PARD3: variants seen among roughly 807,000 people sequenced by gnomAD.
PARD3 encodes partitioning defective 3 homolog.
PARD3 carries 75 observed loss-of-function variants against 155.4 expected under a neutral mutation model. The ratio of observed to expected loss-of-function variants is 0.48; its 90% confidence interval spans 0.40 to 0.58. The LOEUF is 0.58. Among genes scored for constraint, PARD3 ranks in the 20% least tolerant of loss-of-function variants. The pLI, the probability that PARD3 is intolerant of heterozygous loss-of-function variation, is 0.00. For synonymous variants in PARD3, 576 were observed against 610.5 expected (o/e 0.94, Z 0.83); for missense variants, 1,642 against 1,721.7 (o/e 0.95, Z 0.82).
chr10:34,678,077 A>T (rs922233306), intron 2 of PARD3, among the ~76,000 whole-genome samples: 3 of 151,548 alleles, frequency 2.0e-5, no homozygotes, highest in African/African-American at 4.8e-5. Flanking sequence ...TATTTATTTA[A>T]TTTATTTATT....
At chr10:34,115,023 C>A (rs1946588266) in intron 24 of PARD3, among the ~76,000 whole-genome samples, 1 of 152,210 alleles carries the variant, frequency 6.6e-6, no homozygotes, top group African/African-American at 2.4e-5. Flanking sequence ...CCACCTCCAA[C>A]ATGGCCTGGA....
At chr10:34,516,274 T>C (rs2081760534) in intron 3 of PARD3, among the ~76,000 whole-genome samples, 1 of 152,192 alleles carries the variant, frequency 6.6e-6, no homozygotes, top group Non-Finnish European at 1.5e-5. Context: ...CAAAAAATCT[T>C]TTAACCTTAC....
chr10:34,184,503 C>G (rs1488794237), intron 22 of PARD3, among the ~76,000 whole-genome samples: 1 of 152,084 alleles, frequency 6.6e-6, no homozygotes, highest in Non-Finnish European at 1.5e-5. Flanking sequence ...GATCCACAAG[C>G]CGGGGGGTAT....
chr10:34,670,544 C>A (rs1318343327), intron 2 of PARD3, among the ~76,000 whole-genome samples: 2 of 152,156 alleles, frequency 1.3e-5, no homozygotes, highest in Non-Finnish European at 2.9e-5. Flanking sequence ...GTGAGGGTAC[C>A]TGACTAGCCC....
chr10:34,690,668 T>C (rs2094039446), intron 2 of PARD3, among the ~76,000 whole-genome samples: 1 of 152,198 alleles, frequency 6.6e-6, no homozygotes, highest in South Asian at 2.1e-4. Flanking sequence ...GAAAACATGT[T>C]ATAAGCCACG....
chr10:34,557,448 G>T (rs954917912), intron 2 of PARD3, among the ~76,000 whole-genome samples: 1 of 152,062 alleles, frequency 6.6e-6, no homozygotes, highest in Non-Finnish European at 1.5e-5. Flanking sequence ...ACCAGCCTGG[G>T]CAACACAGAG....
At chr10:34,537,677 A>G (rs567007323) in intron 2 of PARD3, among the ~76,000 whole-genome samples, 1 of 152,374 alleles carries the variant, frequency 6.6e-6, no homozygotes, top group East Asian at 1.9e-4. Flanking sequence ...GACCATGGTA[A>G]TAAGGAGACA....
Position 34,504,477 on chromosome 10 carries a change from T to A in PARD3, c.403+12502A>T, listed in dbSNP as rs185678004. ...TATTTGTTGATATGTAGGCAATAAATTGACAAATAATAGTTTGTAAATTAC... is the reference window on the plus strand; with the variant it reads ...TATTTGTTGATATGTAGGCAATAAAATGACAAATAATAGTTTGTAAATTAC... On this transcript the variant is annotated intron_variant, in intron 3 of 24. Coordinates refer to ENST00000374788, the MANE Select transcript of PARD3 (RefSeq NM_001184785.2). 2.0e-4 allele frequency among the ~76,000 whole-genome samples: 30 copies of A among 148,840 alleles called. No individual in the cohort carries two copies. In the East Asian group the frequency reaches 4.9e-3, roughly 24 times the overall value.
In PARD3 at chr10:34,670,229, C is replaced by T. The variant is rs558581134; in HGVS notation, c.222+26089G>A. 2.8e-4 allele frequency among the ~76,000 whole-genome samples: 42 copies of T among 152,336 alleles called. No individual in the cohort carries two copies. The South Asian group carries it at 8.7e-3, about 32-fold the overall frequency. On this transcript the variant is annotated intron_variant, in intron 2 of 24. Transcript: ENST00000374788. Reference sequence around the variant, plus strand: ...CACCTCTGTGCAGCTGCAGGTGCTTCCTCAGAACTTGAGAAGCCTCAAAAC... The same window carrying T: ...CACCTCTGTGCAGCTGCAGGTGCTTTCTCAGAACTTGAGAAGCCTCAAAAC...
chr10:34,508,541 A>C (rs2081218156), intron 3 of PARD3, among the ~76,000 whole-genome samples: 1 of 151,340 alleles, frequency 6.6e-6, no homozygotes. Context: ...TGGGAACTGA[A>C]GGAAAAAAAA....
chr10:34,218,927 G>T (rs1057204346), intron 22 of PARD3, among the ~76,000 whole-genome samples: 14 of 152,126 alleles, frequency 9.2e-5, no homozygotes, highest in African/African-American at 3.1e-4. Context: ...GATCAGATCC[G>T]CATTCCAAGT....
In PARD3 at chr10:34,589,041, T is replaced by C. The variant is rs2088383075; in HGVS notation, c.223-71882A>G. 2.0e-5 allele frequency among the ~76,000 whole-genome samples: 3 copies of C among 152,164 alleles called. No homozygotes were observed. The South Asian group carries it at 6.2e-4, about 32-fold the overall frequency. On this transcript the variant is annotated intron_variant, in intron 2 of 24. Coordinates refer to ENST00000374788, the MANE Select transcript of PARD3 (RefSeq NM_001184785.2). ...TGGTCCAGCCTGGACAGCATAGTGA[T>C]ACCCTGTCTCTCTCTCTTTCTACTA...
At position 34,630,642 on chromosome 10, in the gene PARD3, C is replaced by T. The variant is rs574682977; in HGVS notation, c.222+65676G>A. 5.2e-4 allele frequency among the ~76,000 whole-genome samples: 78 copies of T among 151,408 alleles called. 1 individual carries two copies. The highest frequency in any genetic ancestry group is 1.8e-3 in the African/African-American group (74 of 41,278). ...ATTTTTGTATTTTTTGTGGAGTCAG[C>T]GTTTCACCATGTTGGTGTCTCAAAC... On this transcript the variant is annotated intron_variant, in intron 2 of 24. Transcript: ENST00000374788.
intron 5 of PARD3, among the ~76,000 whole-genome samples, chr10:34,441,688 G>A (rs1173981801): frequency 1.3e-5 from 2 of 152,130 alleles, no homozygotes; most frequent in Non-Finnish European, 2.9e-5. Context: ...CTTCCACTGT[G>A]GTTTCTAGTC....
intron 4 of PARD3, among the ~76,000 whole-genome samples, chr10:34,451,181 T>C (rs971117139): frequency 6.6e-6 from 1 of 152,218 alleles, no homozygotes; most frequent in Non-Finnish European, 1.5e-5. Flanking sequence ...TAAAAAATTA[T>C]AATAACTTCC....
At chr10:34,523,628 A>G (rs1222673840) in intron 2 of PARD3, among the ~76,000 whole-genome samples, 1 of 152,218 alleles carries the variant, frequency 6.6e-6, no homozygotes, top group East Asian at 1.9e-4. Flanking sequence ...CGTGTTTGAG[A>G]GATGACAGGG....
chr10:34,787,864 T>C (rs1841170992), intron 1 of PARD3, among the ~76,000 whole-genome samples: 1 of 150,910 alleles, frequency 6.6e-6, no homozygotes, highest in Non-Finnish European at 1.5e-5. Context: ...CTCTGCAGCC[T>C]CAAACTCCTA....
chr10:34,433,727 A>AT (rs561919566), intron 5 of PARD3, among the ~76,000 whole-genome samples: 43 of 152,298 alleles, frequency 2.8e-4, no homozygotes, highest in African/African-American at 8.2e-4. Flanking sequence ...ATGGAATAAG[A>AT]TTTTTTTATC....
At chr10:34,571,044 A>C (rs2086350507) in intron 2 of PARD3, among the ~76,000 whole-genome samples, 1 of 152,090 alleles carries the variant, frequency 6.6e-6, no homozygotes, top group Non-Finnish European at 1.5e-5. Context: ...GGGCGTAGTA[A>C]CTCATGCCTG....
Sources: gnomAD v4.1 joint callset for allele counts (sites outside exome capture counted in the v4.1 genomes callset) on GRCh38, gnomAD v4.1.1 for gene constraint, MANE v1.5 for transcripts, NCBI Gene and HGNC (gene_info 2026-07-23, HGNC 2026-07-21) for gene names.